SVOP: variants seen among roughly 807,000 people sequenced by gnomAD.
SVOP encodes the protein SV2 related protein.
SVOP carries 17 observed loss-of-function variants against 69.1 expected under a neutral mutation model. The ratio of observed to expected loss-of-function variants is 0.25; its 90% CI spans 0.17 to 0.37. The LOEUF (loss-of-function observed/expected upper bound fraction) is 0.37, where lower values mean the gene tolerates loss of function less well. SVOP is among the 10% of genes least tolerant of loss of function. The pLI, the probability that SVOP is intolerant of heterozygous loss-of-function variation, is 1.00. For missense variants in SVOP, 435 were observed against 597.5 expected (o/e 0.73, Z 2.84); for synonymous variants, 238 against 238.6 (o/e 1.00, Z 0.02).
intron 10 of SVOP, among the ~76,000 whole-genome samples, chr12:108,935,214 C>T (rs995471004): frequency 6.6e-6 from 1 of 152,190 alleles, no homozygotes; most frequent in Non-Finnish European, 1.5e-5. Flanking sequence ...AATTTCAGAG[C>T]AGAATGACAC....
chr12:108,986,775 G>C (rs1285313747), intron 1 of SVOP, among the ~76,000 whole-genome samples: 1 of 136,178 alleles, frequency 7.3e-6, no homozygotes, highest in Non-Finnish European at 1.5e-5. Flanking sequence ...TCTTTGATCG[G>C]GGAGGGGGGG....
intron 10 of SVOP, among the ~76,000 whole-genome samples, chr12:108,934,951 G>T (rs1182958125): frequency 6.6e-6 from 1 of 152,118 alleles, no homozygotes; most frequent in Non-Finnish European, 1.5e-5. Flanking sequence ...TCTTAATAAA[G>T]TTGCTTTCAC....
At position 108,972,574 on chromosome 12, in the gene SVOP, C is replaced by A; in HGVS notation, c.382-98G>T. 7 of 1,213,976 alleles carry A rather than the reference C, an allele frequency of 5.8e-6. No homozygotes were observed. In the South Asian group the frequency reaches 6.5e-5, roughly 11 times the overall value. The allele number at this position is 1,213,976 out of a possible 1,614,324, so 75.2% of individuals were successfully genotyped here. A position where few individuals can be genotyped will look rare whatever the true frequency, so the allele number is the denominator to read the frequency against. On this transcript the variant is annotated intron_variant, in intron 4 of 15. Transcript: ENST00000610966. ...AGTGGTGACGTCACCCTCTAGGTAA[C>A]AGCAATGATCTAACATTCACTGAGA...
chr12:108,969,060 C>T (rs2040063298), intron 5 of SVOP, among the ~76,000 whole-genome samples: 1 of 152,124 alleles, frequency 6.6e-6, no homozygotes, highest in African/African-American at 2.4e-5. Flanking sequence ...GCTGGGATTA[C>T]AGGCATGAGC....
At position 108,972,390 on chromosome 12, in the gene SVOP, G is replaced by C. The variant is rs752449131; in HGVS notation, c.453+15C>G. On this transcript the variant is annotated intron_variant, in intron 5 of 15. Transcript: ENST00000610966. ...ACCCAGAGGACATGCGTTTAGAAGA[G>C]TAAGTTTGCCTTACTGTTTTCCTGC... The C allele has an allele frequency of 3.0e-5, 46 of 1,536,898 alleles. No individual in the cohort carries two copies. In the Middle Eastern group the frequency reaches 6.7e-4, roughly 22 times the overall value.
intron 1 of SVOP, among the ~76,000 whole-genome samples, chr12:108,996,051 T>C (rs1369950722): frequency 1.3e-5 from 2 of 151,948 alleles, no homozygotes; most frequent in Non-Finnish European, 2.9e-5. Flanking sequence ...CAGGGCAAGA[T>C]TGTTGAGGCT....
intron 11 of SVOP, among the ~76,000 whole-genome samples, chr12:108,930,132 AT>A (rs2039807341): frequency 6.6e-6 from 1 of 152,252 alleles, no homozygotes; most frequent in African/African-American, 2.4e-5. Flanking sequence ...ATAATGAGGC[AT>A]AAAAATGACC....
At chr12:108,953,136 CTT>C (rs36158603) in intron 6 of SVOP, among the ~76,000 whole-genome samples, 8 of 95,782 alleles carry the variant, frequency 8.4e-5, no homozygotes, top group African/African-American at 2.2e-4. Flanking sequence ...ATCTAATTGA[CTT>C]TTTTTTTTTT....
chr12:109,021,050 A>G lies in SVOP; in HGVS notation c.-182T>C, dbSNP rs1044605323. The stretch of plus-strand genomic sequence containing the variant: ...CCCACGAGACAAAGCCTCCGCCGCC[A>G]GGAGACCGCGGCGAGAGTGGGCGGA... On this transcript the variant is annotated 5_prime_UTR_variant, in exon 1 of 16. Transcript: ENST00000610966. 2.7e-5 allele frequency: 15 copies of G among 560,890 alleles called. No individual in the cohort carries two copies. The highest frequency in any genetic ancestry group is 4.5e-5 in the Non-Finnish European group (14 of 313,718). 34.7% of individuals were successfully genotyped at this position (560,890 alleles called of 1,614,324 possible).
At chr12:109,020,754 A>AGCCCCCCC in intron 1 of SVOP, 80 bp downstream of exon 1, 1 of 237,612 alleles carries the variant, frequency 4.2e-6, no homozygotes, top group African/African-American at 2.8e-5. Context: ...GCAGAGATGT[A>AGCCCCCCC]CCCCCCCCCA....
At chr12:108,985,104 T>C (rs2137439656) in intron 1 of SVOP, among the ~76,000 whole-genome samples, 1 of 151,754 alleles carries the variant, frequency 6.6e-6, no homozygotes, top group Non-Finnish European at 1.5e-5. Context: ...GTGTGTGACT[T>C]TGGTCCCAGC....
At chr12:108,923,550 G>A (rs2039763035) in intron 11 of SVOP, among the ~76,000 whole-genome samples, 2 of 152,046 alleles carry the variant, frequency 1.3e-5, no homozygotes, top group South Asian at 4.2e-4. Context: ...TGCCTTGATT[G>A]CAGCCTGGCA....
intron 1 of SVOP, among the ~76,000 whole-genome samples, chr12:108,992,667 G>A (rs1484029306): frequency 6.6e-6 from 1 of 152,182 alleles, no homozygotes; most frequent in African/African-American, 2.4e-5. Context: ...ATAGATATGA[G>A]TCCGCTTAAA....
chr12:108,991,487 G>A (rs1290876587), intron 1 of SVOP, among the ~76,000 whole-genome samples: 1 of 151,376 alleles, frequency 6.6e-6, no homozygotes. Flanking sequence ...ACAGAATCTT[G>A]CTAGGTCACC....
intron 6 of SVOP, among the ~76,000 whole-genome samples, chr12:108,960,569 C>A (rs561915477): frequency 6.6e-6 from 1 of 152,304 alleles, no homozygotes; most frequent in East Asian, 1.9e-4. Flanking sequence ...ATTTCACTCT[C>A]TGAGGCTCAG....
At chr12:108,923,435 C>T (rs1447932517) in intron 11 of SVOP, among the ~76,000 whole-genome samples, 1 of 152,066 alleles carries the variant, frequency 6.6e-6, no homozygotes, top group African/African-American at 2.4e-5. Flanking sequence ...CTCAGTCCTA[C>T]AACCACAAGG....
At chr12:108,950,272 TCTCA>T (rs1302897495) in intron 6 of SVOP, among the ~76,000 whole-genome samples, 3 of 145,534 alleles carry the variant, frequency 2.1e-5, no homozygotes, top group Non-Finnish European at 4.5e-5. Context: ...AGACATGGAG[TCTCA>T]CTATTTTGTC....
At chr12:109,006,770 G>A (rs962239249) in intron 1 of SVOP, among the ~76,000 whole-genome samples, 1 of 152,180 alleles carries the variant, frequency 6.6e-6, no homozygotes, top group African/African-American at 2.4e-5. Context: ...GCTCTGGCCT[G>A]ATTGGTTTGT....
chr12:108,950,722 T>C (rs527415667), intron 6 of SVOP, among the ~76,000 whole-genome samples: 14 of 152,254 alleles, frequency 9.2e-5, no homozygotes, highest in Admixed American at 9.2e-4. Flanking sequence ...CTTCCTCACC[T>C]CGGTAGTATC....
Sources: gnomAD v4.1 joint callset for allele counts (sites outside exome capture counted in the v4.1 genomes callset) on GRCh38, gnomAD v4.1.1 for gene constraint, MANE v1.5 for transcripts, NCBI Gene and HGNC (gene_info 2026-07-23, HGNC 2026-07-21) for gene names.